RNF213: variants seen among roughly 807,000 people sequenced by gnomAD.
The protein encoded by RNF213 is ring finger protein 213.
In RNF213, 341 loss-of-function variants were observed where a neutral mutation model predicts 514.4. The observed-to-expected ratio is 0.66, with a 90% CI of 0.61 to 0.73. The LOEUF (loss-of-function observed/expected upper bound fraction) is 0.73. Among genes scored for constraint, RNF213 ranks in the 30% least tolerant of loss-of-function variants. The probability of loss-of-function intolerance (pLI) is 0.00; values close to 1 mark genes in which losing one functional copy is unlikely to be tolerated. For missense variants in RNF213, 5,767 were observed against 6,615.6 expected (o/e 0.87, Z 4.45); for synonymous variants, 2,655 against 2,658.2 (o/e 1.00, Z 0.04).
chr17:80,312,593 G>C (rs1209330531), intron 14 of RNF213, among the ~76,000 whole-genome samples: 1 of 151,748 alleles, frequency 6.6e-6, no homozygotes, highest in Non-Finnish European at 1.5e-5. Flanking sequence ...GTGGGAAGGG[G>C]ACCCAGGTTT....
intron 1 of RNF213, among the ~76,000 whole-genome samples, chr17:80,261,805 G>A (rs1176494880): frequency 2.0e-5 from 3 of 152,144 alleles, no homozygotes; most frequent in Admixed American, 1.3e-4. Context: ...GGTCACCTGA[G>A]GTCGGGAGTT....
intron 17 of RNF213, 131 bp from the exon 18 acceptor site, chr17:80,324,899 T>C: frequency 1.1e-6 from 1 of 909,176 alleles, no homozygotes; most frequent in Non-Finnish European, 1.7e-6. Context: ...TATTTTGCTC[T>C]TTTTGTGGCC....
At chr17:80,307,362 GTTTT>G (rs58826434) in intron 13 of RNF213, among the ~76,000 whole-genome samples, 161 bp downstream of exon 13, 1 of 113,716 alleles carries the variant, frequency 8.8e-6, no homozygotes, top group Non-Finnish European at 1.7e-5. Context: ...ATTGTCGTCT[GTTTT>G]TTTTTTTTTT....
At chr17:80,365,657 A>T (rs2079237270) in intron 42 of RNF213, among the ~76,000 whole-genome samples, 1 of 152,186 alleles carries the variant, frequency 6.6e-6, no homozygotes, top group South Asian at 2.1e-4. Flanking sequence ...TGGCATGGTC[A>T]TGTTCCAGGT....
At position 80,332,490 on chromosome 17, in the gene RNF213, T is replaced by C. The variant is rs2046443376; in HGVS notation, c.4002T>C (p.Asp1334=). 5 of 1,536,956 alleles carry C rather than the reference T, an allele frequency of 3.3e-6. No individual in the cohort carries two copies. Among genetic ancestry groups the C allele is most frequent in the East Asian group, 2.4e-5 (1 of 40,922 alleles). The change falls in exon 21 of 68, where the codon GAT becomes GAC. Residue 1334 remains aspartate (D), a synonymous_variant. Coordinates refer to ENST00000582970, the MANE Select transcript of RNF213 (RefSeq NM_001256071.3). ...CCGTGGACCACCAGGACCAAAGAGA[T>C]TGGATCAAGGACCGAGTCGAACAGA... ...MCTVDHQDQR[D]WIKDRVEQIK...
intron 39 of RNF213, among the ~76,000 whole-genome samples, chr17:80,362,495 C>T (rs1366119116): frequency 2.0e-5 from 3 of 152,238 alleles, no homozygotes; most frequent in Non-Finnish European, 1.5e-5. Context: ...CAAATCAACA[C>T]AACAGTTTTT....
At chr17:80,307,400 G>C (rs1249883182) in intron 13 of RNF213, among the ~76,000 whole-genome samples, 199 bp downstream of exon 13, 1 of 122,108 alleles carries the variant, frequency 8.2e-6, no homozygotes, top group South Asian at 2.6e-4. Flanking sequence ...GTCTTACTCT[G>C]TTGCCCAGGC....
chr17:80,367,957 C>A lies in RNF213; in HGVS notation c.11973-4C>A, dbSNP rs1568143069. The stretch of plus-strand genomic sequence containing the variant: ...CAGAACTGATTGCCCTTCTTGGATT[C>A]TAGGTTTGGGATTCAGCCGTGCTCC... On this transcript the variant is annotated splice_polypyrimidine_tract_variant and splice_region_variant and intron_variant, in intron 43 of 67. Transcript: ENST00000582970. 6.2e-7 allele frequency: 1 copy of A among 1,614,240 alleles called. No homozygotes were observed. Among genetic ancestry groups the A allele is most frequent in the Non-Finnish European group, 8.5e-7 (1 of 1,180,046 alleles).
rs907629541 is a variant in RNF213 at position 80,288,714 on chromosome 17, C to T, written c.892C>T (p.Gln298Ter). The T allele has an allele frequency of 3.1e-6, 5 of 1,614,084 alleles. No individual in the cohort carries two copies. The highest frequency in any genetic ancestry group is 2.7e-5 in the African/African-American group (2 of 74,944). The change falls in exon 5 of 68, where the codon CAG becomes TAG. Residue 298 changes from glutamine to a stop codon, truncating the protein, a stop_gained. Coordinates refer to ENST00000582970, the MANE Select transcript of RNF213 (RefSeq NM_001256071.3). LOFTEE classifies it high-confidence loss of function. The surrounding 1 kb of genome is among the most constrained non-coding windows in gnomAD (Gnocchi z 4.9). ...GAAAGAGAAGACCCAGAGAATGAAA[C>T]AGCCACCAGCAACCACTCCTCCTTT... ...EMKEKTQRMKQPPATTPPFKT... is the reference protein window; with the variant it reads ...EMKEKTQRMK
chr17:80,319,161 C>G, intron 16 of RNF213, 29 bp from the exon 17 acceptor site: 1 of 1,614,146 alleles, frequency 6.2e-7, no homozygotes, highest in African/African-American at 1.3e-5. Context: ...TCCGAAAGCT[C>G]TGAAACCACC....
chr17:80,339,360 G>C lies in RNF213; in HGVS notation c.4993G>C (p.Glu1665Gln), dbSNP rs1328872136. ...CTTGGACCTGGTGACGGAGCTTAAA[G>C]AAGGTGGAGATGTCACTGAGCTGCT... ...FGLDLVTELK[E>Q]GGDVTELLAA... Residue 1665 changes from glutamate to glutamine, a missense_variant, in exon 26 of 68, where the codon GAA (glutamate) becomes CAA (glutamine). Transcript: ENST00000582970. The C allele has an allele frequency of 6.5e-7, 1 of 1,537,164 alleles. No homozygotes were observed. Among genetic ancestry groups the C allele is most frequent in the South Asian group, 1.2e-5 (1 of 84,064 alleles).
rs1188405176 is a variant in RNF213, at chr17:80,315,279, ATGGTGGTGGTGG to A, written c.2812-1902_2812-1891del. Among the ~76,000 whole-genome samples, 3 of 8,496 alleles carry A rather than the reference ATGGTGGTGGTGG, an allele frequency of 3.5e-4. 1 individual carries two copies. The highest frequency in any genetic ancestry group is 2.1e-3 in the Admixed American group (2 of 942). 5.6% of individuals were successfully genotyped at this position (8,496 alleles called of 152,430 possible). ...CGTGATGGTGGAGGTAATGGAGGTG[ATGGTGGTGGTGG>A]TGGTGGAGGTAATGGAGGTGATGGT... On this transcript the variant is annotated intron_variant, in intron 15 of 67. Transcript: ENST00000582970.
intron 44 of RNF213, among the ~76,000 whole-genome samples, chr17:80,369,289 T>C (rs190351645): frequency 6.6e-6 from 1 of 151,878 alleles, no homozygotes; most frequent in East Asian, 1.9e-4. Context: ...TCCCAGCTAC[T>C]TGGGAGGCTG....
At chr17:80,319,041 A>C in intron 16 of RNF213, 149 bp from the exon 17 acceptor site, 3 of 1,557,994 alleles carry the variant, frequency 1.9e-6, no homozygotes, top group Non-Finnish European at 2.6e-6. Context: ...GGCAGGGAGG[A>C]CATGCTTTGC....
At chr17:80,284,987 A>C (rs2044421664) in intron 3 of RNF213, among the ~76,000 whole-genome samples, 1 of 152,200 alleles carries the variant, frequency 6.6e-6, no homozygotes, top group African/African-American at 2.4e-5. Context: ...GGCTAGAGTA[A>C]GGCTGATGTT....
At chr17:80,292,044 A>T (rs1205028611) in intron 8 of RNF213, 2 of 620,904 alleles carry the variant, frequency 3.2e-6, no homozygotes, top group Non-Finnish European at 5.8e-6. Context: ...CTTTGAGCTC[A>T]GTGTGACTTA....
intron 38 of RNF213, among the ~76,000 whole-genome samples, chr17:80,361,314 T>C (rs2079046747): frequency 6.6e-6 from 1 of 152,126 alleles, no homozygotes; most frequent in African/African-American, 2.4e-5. Context: ...AGGTCAGGAG[T>C]TCGAGACCAG....
intron 14 of RNF213, among the ~76,000 whole-genome samples, chr17:80,312,082 C>T (rs11868105): frequency 6.6e-5 from 10 of 151,890 alleles, no homozygotes; most frequent in Non-Finnish European, 1.2e-4. Flanking sequence ...GAGCCAAGAT[C>T]GCGCCACTGT....
At chr17:80,370,637 CGTTT>C (rs971637432) in intron 46 of RNF213, among the ~76,000 whole-genome samples, 21 of 152,180 alleles carry the variant, frequency 1.4e-4, no homozygotes, top group African/African-American at 4.8e-4. Flanking sequence ...GACTTTTCAA[CGTTT>C]TGTGGAAATG....
Sources: allele counts gnomAD v4.1 joint callset (sites outside exome capture counted in the v4.1 genomes callset), GRCh38; gene constraint gnomAD v4.1.1; non-coding constraint Gnocchi (gnomAD v3.1); transcripts MANE v1.5; gene names NCBI Gene and HGNC (gene_info 2026-07-23, HGNC 2026-07-21).